The following MARK3 variants were observed in gnomAD, a reference collection of about 807,000 sequenced individuals.
The protein encoded by MARK3 is MAP/microtubule affinity-regulating kinase 3.
Under a neutral mutation model 90.1 loss-of-function variants are expected in MARK3, and 46 were observed. That is an observed-to-expected ratio of 0.51 (90% CI 0.40 to 0.65). The LOEUF is 0.65. MARK3 is among the 30% of genes least tolerant of loss of function. The probability of loss-of-function intolerance (pLI) is 0.00; values close to 1 mark genes in which losing one functional copy is unlikely to be tolerated. For missense variants in MARK3, 818 were observed against 947.2 expected, an observed-to-expected ratio of 0.86 and a Z score of 1.79; for synonymous variants, 321 against 332.6, an observed-to-expected ratio of 0.97 and a Z score of 0.38.
chr14:103,412,770 A>T, intron 2 of MARK3: 1 of 496,472 alleles, frequency 2.0e-6, no homozygotes. Context: ...ATGGGTTCTC[A>T]TGCCACGCTA....
At chr14:103,469,541 A>G (rs529437273) in intron 12 of MARK3, among the ~76,000 whole-genome samples, 5 of 151,938 alleles carry the variant, frequency 3.3e-5, no homozygotes, top group African/African-American at 1.2e-4. Context: ...GCTGGAGTGC[A>G]ATGGCATGAT....
intron 2 of MARK3, among the ~76,000 whole-genome samples, chr14:103,407,088 C>T (rs1566784626): frequency 6.6e-6 from 1 of 152,204 alleles, no homozygotes. Context: ...CCTCAGCCTC[C>T]CACAGTGCTG....
chr14:103,464,320 A>G, intron 7 of MARK3, among the ~76,000 whole-genome samples: 1 of 87,872 alleles, frequency 1.1e-5, no homozygotes. Context: ...TTTTTTTGAG[A>G]CGGAGTCTCA....
intron 2 of MARK3, among the ~76,000 whole-genome samples, chr14:103,413,461 CTG>C (rs141234117): frequency 0.1 from 14,895 of 144,726 alleles, 974 homozygotes; most frequent in Middle Eastern, 0.19. Context: ...GAGTCTGGCT[CTG>C]TCGCCCAGGC....
rs1032884735 is a variant in MARK3, at chr14:103,416,400, G to A, written c.243+11133G>A. On this transcript the variant is annotated intron_variant, in intron 2 of 17. Coordinates refer to ENST00000429436, the MANE Select transcript of MARK3 (RefSeq NM_001128918.3). ...TAAAAAGGAGGAAATTGGTGCTGTC[G>A]AAGAGATTTTGGAATAGGTGAGGGG... Among the ~76,000 whole-genome samples, 40 of 152,172 alleles carry A rather than the reference G, an allele frequency of 2.6e-4. 1 individual carries two copies. The highest frequency in any genetic ancestry group is 1.0e-4 in the Non-Finnish European group (7 of 68,026).
chr14:103,458,700 T>G (rs1468565469), intron 6 of MARK3: 1 of 676,852 alleles, frequency 1.5e-6, no homozygotes, highest in Non-Finnish European at 2.7e-6. Context: ...TCTTAGAACC[T>G]TTATATTTTG....
intron 2 of MARK3, among the ~76,000 whole-genome samples, chr14:103,405,563 G>A (rs1051381150): frequency 6.6e-6 from 1 of 151,964 alleles, no homozygotes; most frequent in Non-Finnish European, 1.5e-5. Context: ...GGATGGTCTC[G>A]ATCTCCTGAC....
chr14:103,429,917 A>G (rs546410616), intron 3 of MARK3, among the ~76,000 whole-genome samples: 1 of 152,140 alleles, frequency 6.6e-6, no homozygotes, highest in Non-Finnish European at 1.5e-5. Context: ...AATTTTTACC[A>G]TGGTGTTGTA....
intron 3 of MARK3, among the ~76,000 whole-genome samples, chr14:103,442,506 A>G (rs1040680086): frequency 6.8e-6 from 1 of 146,016 alleles, no homozygotes; most frequent in Admixed American, 6.8e-5. Flanking sequence ...GAGGTATATT[A>G]TTTTCTCAGA....
At chr14:103,459,181 G>A (rs1188162851) in intron 6 of MARK3, among the ~76,000 whole-genome samples, 2 of 152,126 alleles carry the variant, frequency 1.3e-5, no homozygotes, top group East Asian at 1.9e-4. Flanking sequence ...TTGCAAACAT[G>A]TGTGAAGATG....
At chr14:103,456,053 A>G (rs7155822) in intron 5 of MARK3, among the ~76,000 whole-genome samples, 42,122 of 152,120 alleles carry the variant, frequency 0.28, 7,171 homozygotes, top group Non-Finnish European at 0.36. Flanking sequence ...AGTGCTAATA[A>G]TATATTCCTT....
At chr14:103,451,862 G>A (rs2093154196) in intron 4 of MARK3, 56 bp from the exon 5 acceptor site, 2 of 1,242,904 alleles carry the variant, frequency 1.6e-6, no homozygotes, top group Admixed American at 3.9e-5. Context: ...TATGTGCATG[G>A]TTTGTGCATA....
intron 1 of MARK3, among the ~76,000 whole-genome samples, chr14:103,397,320 A>G (rs966033255): frequency 2.1e-4 from 31 of 146,222 alleles, no homozygotes; most frequent in African/African-American, 7.4e-4. Context: ...AAGTTACTGA[A>G]TAAACATTTT....
intron 1 of MARK3, among the ~76,000 whole-genome samples, chr14:103,393,816 A>G (rs1057084926): frequency 5.3e-5 from 8 of 151,154 alleles, no homozygotes; most frequent in South Asian, 2.1e-4. Flanking sequence ...CTGGAGTGCA[A>G]TCTCGTGACC....
chr14:103,386,075 G>A lies in MARK3; in HGVS notation c.46G>A (p.Glu16Lys). The change falls in exon 1 of 18, where the codon GAA (glutamate) becomes AAA (lysine). Residue 16 changes from glutamate to lysine, a missense_variant. Physicochemically the swap from Glu to Lys is moderately conservative, Grantham distance 56 (BLOSUM62 1). This residue lies in a region of MARK3 where 157 missense variants were observed against 158.7 expected (regional missense o/e 0.99). Coordinates refer to ENST00000429436, the MANE Select transcript of MARK3 (RefSeq NM_001128918.3). ...GCCAACGGTGAATGAACGAGACACT[G>A]AAAACGTAAGTAACCTGGGCGTTGT... is the stretch of plus-strand genomic sequence containing the variant. The part of the protein sequence containing the change: ...PLPTVNERDT[E>K]NHTSHGDGRQ... 1 of 1,614,204 alleles carries A rather than the reference G, an allele frequency of 6.2e-7. No homozygotes were observed. Among genetic ancestry groups the A allele is most frequent in the Non-Finnish European group, 8.5e-7 (1 of 1,179,984 alleles).
chr14:103,413,110 G>A (rs2091755133), intron 2 of MARK3, among the ~76,000 whole-genome samples: 1 of 151,970 alleles, frequency 6.6e-6, no homozygotes, highest in African/African-American at 2.4e-5. Context: ...CCAACCTCAG[G>A]TGATCCACCC....
chr14:103,443,423 A>G (rs2092912453), intron 3 of MARK3, among the ~76,000 whole-genome samples: 1 of 152,262 alleles, frequency 6.6e-6, no homozygotes, highest in Non-Finnish European at 1.5e-5. Context: ...TATCCATTCT[A>G]AAATTGGGAA....
At chr14:103,456,157 T>C (rs1349556007) in intron 5 of MARK3, among the ~76,000 whole-genome samples, 1 of 152,198 alleles carries the variant, frequency 6.6e-6, no homozygotes, top group East Asian at 1.9e-4. Flanking sequence ...CTCCATTGTA[T>C]CCTGAGCTCC....
At chr14:103,450,251 A>G (rs2093101181) in intron 4 of MARK3, among the ~76,000 whole-genome samples, 1 of 152,218 alleles carries the variant, frequency 6.6e-6, no homozygotes, top group Admixed American at 6.5e-5. Context: ...TAATAGTGGG[A>G]AGAAAATCTT....
Sources: gnomAD v4.1 joint callset for allele counts (sites outside exome capture counted in the v4.1 genomes callset) on GRCh38, gnomAD v4.1.1 for gene constraint, gnomAD v4.1.1 regional missense constraint, MANE v1.5 for transcripts, NCBI Gene and HGNC (gene_info 2026-07-23, HGNC 2026-07-21) for gene names.